The following FBXW7 variants were observed in gnomAD, a reference collection of about 807,000 sequenced individuals.
The protein encoded by FBXW7 is F-box and WD repeat domain containing 7.
FBXW7 carries 11 observed loss-of-function variants against 86.3 expected under a neutral mutation model. The observed-to-expected ratio is 0.13, with a 90% confidence interval of 0.08 to 0.21. The LOEUF (loss-of-function observed/expected upper bound fraction) is 0.21, where lower values mean the gene tolerates loss of function less well. Ranked by LOEUF, FBXW7 falls within the 10% of genes least tolerant of loss-of-function variation. FBXW7 has a pLI of 1.00. For missense variants in FBXW7, 488 were observed against 847.4 expected (o/e 0.58, Z 5.27); for synonymous variants, 313 against 297.9 (o/e 1.05, Z -0.52).
Position 152,326,060 on chromosome 4 carries a change from A to G in FBXW7, c.1590T>C (p.Thr530=), listed in dbSNP as rs2126493102. Residue 530 remains threonine, a synonymous_variant, in exon 12 of 14, where the codon ACT becomes ACC. Coordinates refer to ENST00000281708, the MANE Select transcript of FBXW7 (RefSeq NM_001349798.2). ...DFMVKVWDPE[T]ETCLHTLQGH... is the part of the protein sequence containing the mutation. The stretch of plus-strand genomic sequence containing the variant: ...CCTGCAACGTGTGTAGACAGGTTTC[A>G]GTCTCTGGATCCCACACCTTTACCA... 28 of 1,613,286 alleles carry G rather than the reference A, an allele frequency of 1.7e-5. No homozygotes were observed. Among genetic ancestry groups the G allele is most frequent in the Non-Finnish European group, 2.2e-5 (26 of 1,179,512 alleles).
chr4:152,481,778 A>T (rs766258461), intron 2 of FBXW7, among the ~76,000 whole-genome samples: 18 of 152,364 alleles, frequency 1.2e-4, no homozygotes, highest in Non-Finnish European at 2.6e-4. Context: ...AGAGCCTGAT[A>T]ACATGATTGA....
intron 4 of FBXW7, among the ~76,000 whole-genome samples, chr4:152,362,040 A>G (rs1733009899): frequency 6.6e-6 from 1 of 151,942 alleles, no homozygotes; most frequent in Admixed American, 6.6e-5. Context: ...CACATTTAAT[A>G]CATGATTCTA....
At chr4:152,468,493 A>C (rs1486205752) in intron 2 of FBXW7, among the ~76,000 whole-genome samples, 1 of 152,210 alleles carries the variant, frequency 6.6e-6, no homozygotes, top group Non-Finnish European at 1.5e-5. Context: ...TAAAGAAGCC[A>C]GACACAAAAG....
chr4:152,323,819 A>G (rs959015586), intron 13 of FBXW7: 1 of 182,870 alleles, frequency 5.5e-6, no homozygotes, highest in African/African-American at 2.4e-5. Flanking sequence ...GTTTTTTTCA[A>G]TAAGGTAGCC....
At chr4:152,332,772 A>T (rs893282250) in intron 7 of FBXW7, 53 bp from the exon 8 acceptor site, 2 of 842,176 alleles carry the variant, frequency 2.4e-6, no homozygotes, top group African/African-American at 3.7e-5. Context: ...TATATATATT[A>T]TATAATAAGT....
At chr4:152,359,281 C>T (rs1732694976) in intron 4 of FBXW7, among the ~76,000 whole-genome samples, 1 of 152,056 alleles carries the variant, frequency 6.6e-6, no homozygotes, top group Admixed American at 6.6e-5. Flanking sequence ...CTTCCTCCCA[C>T]AAGATACTTA....
chr4:152,486,362 T>C (rs1414486296), intron 2 of FBXW7, among the ~76,000 whole-genome samples: 1 of 152,252 alleles, frequency 6.6e-6, no homozygotes, highest in Non-Finnish European at 1.5e-5. Context: ...TAAACTTTTC[T>C]GACTTTTGTA....
chr4:152,435,138 C>T (rs939694974), intron 2 of FBXW7, among the ~76,000 whole-genome samples: 3 of 151,006 alleles, frequency 2.0e-5, no homozygotes, highest in Admixed American at 6.6e-5. Flanking sequence ...CTACCAAACA[C>T]GTAAGTATGC....
intron 13 of FBXW7, chr4:152,323,767 A>T (rs1728759219): frequency 5.5e-6 from 1 of 180,350 alleles, no homozygotes; most frequent in South Asian, 1.2e-4. Flanking sequence ...TAAGCACGTG[A>T]CTAAGTGGAG....
chr4:152,462,288 T>G (rs779509307), intron 2 of FBXW7, among the ~76,000 whole-genome samples: 22 of 152,246 alleles, frequency 1.4e-4, no homozygotes, highest in Non-Finnish European at 1.6e-4. Flanking sequence ...TCAAGCCAGC[T>G]GTTGGCCACG....
In FBXW7 at chr4:152,350,089, G is replaced by C; in HGVS notation, c.537C>G (p.Arg179=). Reference sequence around the variant, plus strand: ...ATGGTTTCTTTCCCAAAGAAAAAGAGCGGACCTCAGAACCATGGTCCAACT... The same window carrying C: ...ATGGTTTCTTTCCCAAAGAAAAAGACCGGACCTCAGAACCATGGTCCAACT... ...KRKLDHGSEV[R]SFSLGKKPCK... is the part of the protein sequence containing the mutation. Residue 179 remains arginine, a synonymous_variant, in exon 5 of 14, where the codon CGC becomes CGG. Coordinates refer to ENST00000281708, the MANE Select transcript of FBXW7 (RefSeq NM_001349798.2). The C allele has an allele frequency of 6.4e-7, 1 of 1,568,216 alleles. No homozygotes were observed. The highest frequency in any genetic ancestry group is 1.2e-5 in the South Asian group (1 of 84,832).
chr4:152,426,610 A>G (rs1289959414), intron 2 of FBXW7, among the ~76,000 whole-genome samples: 1 of 152,146 alleles, frequency 6.6e-6, no homozygotes, highest in African/African-American at 2.4e-5. Flanking sequence ...CGGCCTCCCA[A>G]AGGAAGCAAC....
chr4:152,458,170 C>A (rs1410943189), intron 2 of FBXW7, among the ~76,000 whole-genome samples: 1 of 152,102 alleles, frequency 6.6e-6, no homozygotes, highest in Non-Finnish European at 1.5e-5. Flanking sequence ...CAGGCACGCA[C>A]CACCACGCGC....
intron 2 of FBXW7, among the ~76,000 whole-genome samples, chr4:152,474,146 C>T (rs1248222848): frequency 1.3e-5 from 2 of 152,194 alleles, no homozygotes; most frequent in Non-Finnish European, 2.9e-5. Flanking sequence ...GGAAAATTAA[C>T]CAAACTTTAT....
chr4:152,483,191 CTT>C (rs1323476099), intron 2 of FBXW7, among the ~76,000 whole-genome samples: 5 of 151,950 alleles, frequency 3.3e-5, no homozygotes, highest in Admixed American at 6.6e-5. Context: ...TGTGTACACT[CTT>C]TGAATTATTT....
chr4:152,509,551 A>T (rs780204637), intron 2 of FBXW7, among the ~76,000 whole-genome samples: 9 of 152,222 alleles, frequency 5.9e-5, no homozygotes, highest in African/African-American at 1.2e-4. Context: ...TATTGAGGTT[A>T]ACGAACGTAA....
chr4:152,535,624 C>G lies in FBXW7; in HGVS notation c.-710G>C, dbSNP rs1750473159. The G allele has an allele frequency of 2.5e-6, 1 of 397,026 alleles. No homozygotes were observed. Among genetic ancestry groups the G allele is most frequent in the African/African-American group, 2.1e-5 (1 of 48,504 alleles). 24.6% of individuals were successfully genotyped at this position (397,026 alleles called of 1,614,324 possible). On this transcript the variant is annotated 5_prime_UTR_variant, in exon 1 of 14. Coordinates refer to ENST00000281708, the MANE Select transcript of FBXW7 (RefSeq NM_001349798.2). ...CCCGGCCGGCTCCGCTCGGCGCCGC[C>G]CCCGCTCCCGGCTCCCGCATGTGTC...
rs1369661240 is a variant in FBXW7 at position 152,332,626 on chromosome 4, G to T, written c.955C>A (p.Leu319Ile). The T allele has an allele frequency of 6.2e-7, 1 of 1,606,102 alleles. No individual in the cohort carries two copies. Among genetic ancestry groups the T allele is most frequent in the African/African-American group, 1.3e-5 (1 of 74,616 alleles). The change falls in exon 8 of 14, where the codon CTT becomes ATT. Residue 319 changes from leucine (L) to isoleucine (I), a missense_variant. By Grantham distance (5) the Leu-to-Ile change is conservative (BLOSUM62 2). This residue lies in a region of FBXW7 where 59 missense variants were observed against 137.9 expected (regional missense o/e 0.43). Coordinates refer to ENST00000281708, the MANE Select transcript of FBXW7 (RefSeq NM_001349798.2). ...TCTTTGCATTTCTCTCTCCAGAGAA[G>T]GTTGTCTTCAGCCAAAATTCTCCAG... Reference protein sequence around the residue: ...RYWRILAEDNLLWREKCKEEG... With the variant: ...RYWRILAEDNILWREKCKEEG...
intron 2 of FBXW7, among the ~76,000 whole-genome samples, chr4:152,493,196 G>A (rs1299446420): frequency 6.6e-6 from 1 of 151,558 alleles, no homozygotes; most frequent in African/African-American, 2.4e-5. Context: ...ACAGACTCTC[G>A]CTTTGTTGCC....
Sources: gnomAD v4.1 joint callset for allele counts (sites outside exome capture counted in the v4.1 genomes callset) on GRCh38, gnomAD v4.1.1 for gene constraint, gnomAD v4.1.1 regional missense constraint, MANE v1.5 for transcripts, NCBI Gene and HGNC (gene_info 2026-07-23, HGNC 2026-07-21) for gene names.